The following CBLB variants were observed in gnomAD, a reference collection of about 807,000 sequenced individuals.
CBLB encodes the protein E3 ubiquitin-protein ligase CBL-B.
A neutral mutation model predicts 104.9 loss-of-function variants in CBLB; 31 were observed. That is an observed-to-expected ratio of 0.30 (90% CI 0.22 to 0.40). CBLB has a LOEUF of 0.40. Among genes scored for constraint, CBLB ranks in the 10% least tolerant of loss-of-function variants. The pLI is 1.00. For missense variants in CBLB, 1,062 were observed against 1,214.6 expected (o/e 0.87, Z 1.87); for synonymous variants, 440 against 422.6 (o/e 1.04, Z -0.51).
intron 3 of CBLB, among the ~76,000 whole-genome samples, chr3:105,792,790 C>T (rs1277667966): frequency 6.6e-6 from 1 of 152,118 alleles, no homozygotes; most frequent in Non-Finnish European, 1.5e-5. Context: ...AAATTAGTTC[C>T]TCCCTCAATA....
At chr3:105,814,254 T>C (rs369088007) in intron 3 of CBLB, among the ~76,000 whole-genome samples, 67 of 152,252 alleles carry the variant, frequency 4.4e-4, no homozygotes, top group African/African-American at 1.5e-3. Context: ...AAACAAAATG[T>C]GACGGAAAAT....
At chr3:105,794,566 G>T (rs1029693126) in intron 3 of CBLB, among the ~76,000 whole-genome samples, 3 of 152,176 alleles carry the variant, frequency 2.0e-5, no homozygotes, top group Non-Finnish European at 4.4e-5. Flanking sequence ...ACCTAAAGCT[G>T]TGACAGACCC....
rs373788204 is a variant in CBLB at position 105,693,472 on chromosome 3, C to T, written c.2054+22G>A. On this transcript the variant is annotated intron_variant, in intron 13 of 18. Coordinates refer to ENST00000394030, the MANE Select transcript of CBLB (RefSeq NM_170662.5). ...ATATCTTGATGCATAGACAAGTGAT[C>T]TCCAAATTCAACAAAACTCACTTTA... is the stretch of plus-strand genomic sequence containing the variant. 107 of 1,518,412 alleles carry T rather than the reference C, an allele frequency of 7.0e-5. No homozygotes were observed. The African/African-American group carries it at 1.2e-3, about 17-fold the overall frequency. The allele number at this position is 1,518,412 out of a possible 1,614,324, so 94.1% of individuals were successfully genotyped here.
chr3:105,741,171 A>T (rs1443924524), intron 6 of CBLB, among the ~76,000 whole-genome samples: 6 of 105,812 alleles, frequency 5.7e-5, no homozygotes, highest in South Asian at 3.3e-4. Context: ...ATTCCTTTGT[A>T]ATTTAGACAT....
In CBLB at chr3:105,702,083, G is replaced by GT. The variant is rs1559876136; in HGVS notation, c.1959+10dup. 1 of 1,613,898 alleles carries GT rather than the reference G, an allele frequency of 6.2e-7. No individual in the cohort carries two copies. The highest frequency in any genetic ancestry group is 1.1e-5 in the South Asian group (1 of 91,068). ...GCAGATTCTCTAGCTTCTGCTTTGC[G>GT]TATTTCTTACCTTAGCTCCTTCTAA... is the stretch of plus-strand genomic sequence containing the variant. On this transcript the variant is annotated intron_variant, in intron 12 of 18. Coordinates refer to ENST00000394030, the MANE Select transcript of CBLB (RefSeq NM_170662.5).
rs762747679 is a variant in CBLB, at chr3:105,690,300, CAT to C, written c.2054+3192_2054+3193del. Among the ~76,000 whole-genome samples, 400 of 152,208 alleles carry C rather than the reference CAT, an allele frequency of 2.6e-3. 2 individuals carry two copies. The highest frequency in any genetic ancestry group is 3.2e-3 in the Non-Finnish European group (215 of 68,018). On this transcript the variant is annotated intron_variant, in intron 13 of 18. Coordinates refer to ENST00000394030, the MANE Select transcript of CBLB (RefSeq NM_170662.5). ...TGGAAATGAACTCTCGAACATCTGA[CAT>C]TCCTATTTCTGTGAGTGGCATTTTG...
At chr3:105,712,358 T>A (rs1377895560) in intron 10 of CBLB, among the ~76,000 whole-genome samples, 2 of 152,198 alleles carry the variant, frequency 1.3e-5, no homozygotes, top group African/African-American at 2.4e-5. Flanking sequence ...TGGCTTCTTA[T>A]GCCCTTTGGT....
At chr3:105,681,284 CACTACT>C in intron 16 of CBLB, 189 bp downstream of exon 16, 6 of 610,152 alleles carry the variant, frequency 9.8e-6, no homozygotes, top group Non-Finnish European at 1.7e-5. Context: ...CCAACTACTA[CACTACT>C]ACCTTAATCA....
intron 3 of CBLB, among the ~76,000 whole-genome samples, chr3:105,826,192 G>A (rs2086559983): frequency 6.6e-6 from 1 of 152,102 alleles, no homozygotes; most frequent in Admixed American, 6.5e-5. Context: ...CTACAAAATA[G>A]TAGATACTTC....
At chr3:105,735,865 G>A (rs1337254325) in intron 8 of CBLB, among the ~76,000 whole-genome samples, 3 of 152,096 alleles carry the variant, frequency 2.0e-5, no homozygotes, top group Admixed American at 6.5e-5. Context: ...AGAACAGCTC[G>A]AACCCAGAGG....
In CBLB at chr3:105,794,651, C is replaced by T. The variant is rs539843956; in HGVS notation, c.420-18109G>A. 4.6e-5 allele frequency among the ~76,000 whole-genome samples: 7 copies of T among 152,210 alleles called. No homozygotes were observed. The South Asian group carries it at 1.2e-3, about 27-fold the overall frequency. The stretch of plus-strand genomic sequence containing the variant: ...TCCACTGAAACTATGCGTACCTTAT[C>T]GTATTATCCCCAATACAAGTAGGCA... On this transcript the variant is annotated intron_variant, in intron 3 of 18. Coordinates refer to ENST00000394030, the MANE Select transcript of CBLB (RefSeq NM_170662.5).
In CBLB at chr3:105,678,456, T is replaced by C; in HGVS notation, c.2544A>G (p.Gly848=). ...PPGSSSRPSS[G]QDLFLLPSDP... ...CTGAAGGAAGAAGAAAAAGATCCTG[T>C]CCTGAGGATGGCCGGCTACTGGAGC... is the stretch of plus-strand genomic sequence containing the variant. Residue 848 remains glycine, a synonymous_variant, in exon 17 of 19, where the codon GGA becomes GGG. Coordinates refer to ENST00000394030, the MANE Select transcript of CBLB (RefSeq NM_170662.5). 1 of 1,614,014 alleles carries C rather than the reference T, an allele frequency of 6.2e-7. No homozygotes were observed. Among genetic ancestry groups the C allele is most frequent in the Non-Finnish European group, 8.5e-7 (1 of 1,179,946 alleles).
intron 17 of CBLB, among the ~76,000 whole-genome samples, chr3:105,675,828 T>C (rs1482000082): frequency 7.5e-6 from 1 of 133,148 alleles, no homozygotes; most frequent in Non-Finnish European, 1.5e-5. Context: ...GAGGTTGCAG[T>C]GAACTGAGAT....
chr3:105,678,284 C>A, intron 17 of CBLB, 147 bp downstream of exon 17: 1 of 739,994 alleles, frequency 1.4e-6, no homozygotes, highest in East Asian at 2.7e-5. Flanking sequence ...AACAAACGTA[C>A]CCACGATTGC....
intron 17 of CBLB, chr3:105,673,092 A>C: frequency 7.1e-6 from 1 of 140,790 alleles, no homozygotes; most frequent in Non-Finnish European, 1.5e-5. Flanking sequence ...TTTTTGAGAG[A>C]GCGTCTTGTT....
At chr3:105,684,880 G>A (rs2066815579) in intron 14 of CBLB, among the ~76,000 whole-genome samples, 1 of 152,150 alleles carries the variant, frequency 6.6e-6, no homozygotes, top group Non-Finnish European at 1.5e-5. Context: ...TGATCTAAAG[G>A]AAGGTAAATA....
At chr3:105,751,360 A>G in intron 5 of CBLB, 102 bp downstream of exon 5, 1 of 799,514 alleles carries the variant, frequency 1.3e-6, no homozygotes, top group South Asian at 1.5e-5. Flanking sequence ...ATGTTTGTTT[A>G]TGTGTGTGTG....
At chr3:105,681,661 T>C (rs1185019289) in intron 15 of CBLB, 51 bp from the exon 16 acceptor site, 5 of 1,612,416 alleles carry the variant, frequency 3.1e-6, no homozygotes, top group Non-Finnish European at 4.2e-6. Flanking sequence ...TGGCATGAAA[T>C]TTTGCCTTTA....
intron 6 of CBLB, among the ~76,000 whole-genome samples, chr3:105,743,777 ATT>A (rs1261015922): frequency 6.6e-6 from 1 of 150,444 alleles, no homozygotes; most frequent in Admixed American, 6.7e-5. Flanking sequence ...CAAAGCAAAT[ATT>A]TGTTACAGTT....
Sources: gnomAD v4.1 joint callset for allele counts (sites outside exome capture counted in the v4.1 genomes callset) on GRCh38, gnomAD v4.1.1 for gene constraint, MANE v1.5 for transcripts, NCBI Gene and HGNC (gene_info 2026-07-23, HGNC 2026-07-21) for gene names.